TENM2: variants seen among roughly 807,000 people sequenced by gnomAD.
The protein encoded by TENM2 is teneurin transmembrane protein 2.
In TENM2, 52 loss-of-function variants were observed where a neutral mutation model predicts 245.2. The observed-to-expected ratio is 0.21, with a 90% CI of 0.17 to 0.27. The LOEUF (loss-of-function observed/expected upper bound fraction) is 0.27. Ranked by LOEUF, TENM2 falls within the 10% of genes least tolerant of loss-of-function variation. The probability of loss-of-function intolerance (pLI) is 1.00; values close to 1 mark genes in which losing one functional copy is unlikely to be tolerated. For synonymous variants in TENM2, 1,363 were observed against 1,438.9 expected, an observed-to-expected ratio of 0.95 and a Z score of 1.19; for missense variants, 3,046 against 3,666.8, an observed-to-expected ratio of 0.83 and a Z score of 4.37.
chr5:167,615,054 T>G (rs186680341), intron 2 of TENM2, among the ~76,000 whole-genome samples: 4 of 152,154 alleles, frequency 2.6e-5, no homozygotes, highest in African/African-American at 9.7e-5. Context: ...AGGGTGAAAT[T>G]ATAATTTATG....
chr5:167,555,752 A>G (rs1020048199), intron 2 of TENM2, among the ~76,000 whole-genome samples: 4 of 152,130 alleles, frequency 2.6e-5, no homozygotes, highest in Non-Finnish European at 5.9e-5. Flanking sequence ...GAATCAGTAA[A>G]CACAGCCAAT....
At chr5:168,155,370 A>C (rs981200687) in intron 12 of TENM2, among the ~76,000 whole-genome samples, 4 of 143,970 alleles carry the variant, frequency 2.8e-5, no homozygotes, top group African/African-American at 7.9e-5. Flanking sequence ...AACAAACAAA[A>C]AAAAAACAGT....
rs149533207 is a variant in TENM2 at position 168,218,412 on chromosome 5, C to T, written c.4521C>T (p.Asn1507=). 7.0e-5 allele frequency: 113 copies of T among 1,614,018 alleles called. No homozygotes were observed. Among genetic ancestry groups the T allele is most frequent in the East Asian group, 6.2e-4 (28 of 44,880 alleles). ...ACCGTCTACGCCAGGTAACAACCAA[C>T]GGGGAGATCTGCCTTTTAGCTGGGG... The change falls in exon 23 of 29, where the codon AAC becomes AAT. Residue 1507 remains asparagine, a synonymous_variant. Coordinates refer to ENST00000518659, the Ensembl canonical transcript of TENM2. This position sits in a 1 kb window ranked among gnomAD's most constrained non-coding sequence, Gnocchi z 5.2.
chr5:167,933,796 G>A (rs1778476638), intron 3 of TENM2, among the ~76,000 whole-genome samples: 1 of 152,112 alleles, frequency 6.6e-6, no homozygotes, highest in Non-Finnish European at 1.5e-5. Context: ...TCAGCCTCCT[G>A]ATGTGTATAA....
chr5:167,520,214 T>C lies in TENM2; in HGVS notation c.502+144741T>C, dbSNP rs57076302. Among the ~76,000 whole-genome samples, 501 of 152,278 alleles carry C rather than the reference T, an allele frequency of 3.3e-3. 26 individuals are homozygous for C. The South Asian group carries it at 0.083, about 25-fold the overall frequency. On this transcript the variant is annotated intron_variant, in intron 2 of 28. Transcript: ENST00000518659. ...ATTTTGATATTCCCTGTAACCATTA[T>C]ATGTCTGCATTAGACTAGGTCTCAT...
intron 1 of TENM2, among the ~76,000 whole-genome samples, chr5:167,372,257 G>A (rs2127300587): frequency 6.6e-6 from 1 of 152,172 alleles, no homozygotes; most frequent in Middle Eastern, 3.4e-3. Flanking sequence ...AACTCTTAAA[G>A]TGCACTTTTT....
intron 2 of TENM2, among the ~76,000 whole-genome samples, chr5:167,678,488 C>T (rs1487847665): frequency 6.6e-6 from 1 of 152,120 alleles, no homozygotes; most frequent in African/African-American, 2.4e-5. Flanking sequence ...TTTCTTCCCT[C>T]TGTCCTCCCA....
chr5:167,878,520 C>G (rs1583263246), intron 3 of TENM2, among the ~76,000 whole-genome samples: 2 of 151,918 alleles, frequency 1.3e-5, no homozygotes, highest in South Asian at 4.2e-4. Context: ...ATTCTGGACT[C>G]TGGCTTAGCT....
At chr5:167,072,939 G>T in the TENM2 span, among the ~76,000 whole-genome samples, 1 of 152,134 alleles carries the variant, frequency 6.6e-6, no homozygotes, top group Non-Finnish European at 1.5e-5. Context: ...TTCTGCATTT[G>T]TAGTATAAAC....
At chr5:167,161,358 A>C in the TENM2 span, among the ~76,000 whole-genome samples, 1 of 152,214 alleles carries the variant, frequency 6.6e-6, no homozygotes, top group East Asian at 1.9e-4. Flanking sequence ...TCAGCAAATT[A>C]GGTCTAAATA....
At chr5:168,021,248 G>C (rs139913606) in intron 5 of TENM2, among the ~76,000 whole-genome samples, 4 of 152,190 alleles carry the variant, frequency 2.6e-5, no homozygotes, top group African/African-American at 9.7e-5. Context: ...CACTTCTTAG[G>C]CATGAGGGCA....
At chr5:167,287,149 TCTA>T (rs1754327552) in intron 1 of TENM2, among the ~76,000 whole-genome samples, 1 of 152,232 alleles carries the variant, frequency 6.6e-6, no homozygotes. Flanking sequence ...TCTGAGTGGA[TCTA>T]CTTTGATGGG....
intron 9 of TENM2, among the ~76,000 whole-genome samples, chr5:168,100,133 C>T (rs917837109): frequency 2.0e-5 from 3 of 152,100 alleles, no homozygotes; most frequent in Non-Finnish European, 4.4e-5. Context: ...TGGGCTGAGA[C>T]GATGGGGTTT....
chr5:167,337,063 G>C (rs1350993027), intron 1 of TENM2, among the ~76,000 whole-genome samples: 1 of 142,330 alleles, frequency 7.0e-6, no homozygotes, highest in African/African-American at 2.6e-5. Context: ...CTTGCAGTGA[G>C]CCGAGATTGC....
chr5:167,405,253 G>A (rs960095610), intron 2 of TENM2, among the ~76,000 whole-genome samples: 1 of 151,444 alleles, frequency 6.6e-6, no homozygotes. Context: ...TCTTGGCATC[G>A]TGTATGATTT....
intron 27 of TENM2, among the ~76,000 whole-genome samples, chr5:168,249,186 G>T (rs1320114468): frequency 2.0e-5 from 3 of 151,940 alleles, no homozygotes; most frequent in East Asian, 3.9e-4. Flanking sequence ...ATCATGAAAT[G>T]GTATCTGCTT....
chr5:167,683,567 G>A (rs1481583269), intron 2 of TENM2, among the ~76,000 whole-genome samples: 2 of 152,154 alleles, frequency 1.3e-5, no homozygotes, highest in African/African-American at 2.4e-5. Flanking sequence ...AATAAACATA[G>A]GCAGCGTTAG....
chr5:167,607,750 A>T (rs1347573716), intron 2 of TENM2, among the ~76,000 whole-genome samples: 1 of 152,188 alleles, frequency 6.6e-6, no homozygotes, highest in African/African-American at 2.4e-5. Flanking sequence ...ACTGTGCTAG[A>T]TAAGAATGCA....
chr5:168,003,347 C>CACACACA (rs1562038837), intron 5 of TENM2, among the ~76,000 whole-genome samples: 6 of 51,188 alleles, frequency 1.2e-4, no homozygotes, highest in African/African-American at 4.7e-4. Context: ...ACACACACAC[C>CACACACA]CCCAAAGCTG....
Sources: gnomAD v4.1 joint callset for allele counts (sites outside exome capture counted in the v4.1 genomes callset) on GRCh38, gnomAD v4.1.1 for gene constraint, Gnocchi (gnomAD v3.1) non-coding constraint, MANE v1.5 for transcripts, NCBI Gene and HGNC (gene_info 2026-07-23, HGNC 2026-07-21) for gene names.